The following RBFOX1 variants were observed in gnomAD, a reference collection of about 807,000 sequenced individuals.
RBFOX1 encodes the protein RNA binding fox-1 homolog 1, also known as RNA binding protein fox-1 homolog 1.
Under a neutral mutation model 57.7 loss-of-function variants are expected in RBFOX1, and 8 were observed. The ratio of observed to expected loss-of-function variants is 0.14; its 90% CI spans 0.08 to 0.25. RBFOX1 has a LOEUF of 0.25. RBFOX1 is among the 10% of genes least tolerant of loss of function. The probability of loss-of-function intolerance (pLI) is 1.00; values close to 1 mark genes in which losing one functional copy is unlikely to be tolerated. For synonymous variants in RBFOX1, 326 were observed against 222.4 expected, an observed-to-expected ratio of 1.47 and a Z score of -4.15; for missense variants, 611 against 548.5, an observed-to-expected ratio of 1.11 and a Z score of -1.14.
chr16:6,736,901 G>A (rs539160789), intron 3 of RBFOX1, among the ~76,000 whole-genome samples: 1 of 152,282 alleles, frequency 6.6e-6, no homozygotes, highest in Admixed American at 6.5e-5. Context: ...TATAGACTTA[G>A]CAGGGAGGAG....
chr16:5,277,974 A>G (rs2063182444), intron 1 of RBFOX1, among the ~76,000 whole-genome samples: 1 of 152,218 alleles, frequency 6.6e-6, no homozygotes, highest in South Asian at 2.1e-4. Flanking sequence ...GTACGGGTAC[A>G]GGTATCCCGT....
At chr16:7,645,766 T>C (rs1025731724) in intron 11 of RBFOX1, among the ~76,000 whole-genome samples, 1 of 152,238 alleles carries the variant, frequency 6.6e-6, no homozygotes, top group Non-Finnish European at 1.5e-5. Flanking sequence ...TATTCACTTC[T>C]AAACAGCAGT....
intron 1 of RBFOX1, among the ~76,000 whole-genome samples, chr16:5,301,196 TC>T (rs1474557150): frequency 6.6e-6 from 1 of 152,176 alleles, no homozygotes; most frequent in Non-Finnish European, 1.5e-5. Flanking sequence ...ATTTGCTTGT[TC>T]TAATGGAAGC....
chr16:5,552,227 A>T lies in RBFOX1; in HGVS notation c.259-46675A>T, dbSNP rs553716549. 6.0e-4 allele frequency among the ~76,000 whole-genome samples: 91 copies of T among 152,230 alleles called. No homozygotes were observed. In the South Asian group the frequency reaches 0.01, roughly 17 times the overall value. On this transcript the variant is annotated intron_variant, in intron 2 of 2. Coordinates refer to the RBFOX1 transcript ENST00000585867. ...GCTTGGTGATTCCCAGCCCTTGGGGATGATTCTTTTCCCCTGGGTTAAGAG... is the reference window on the plus strand; with the variant it reads ...GCTTGGTGATTCCCAGCCCTTGGGGTTGATTCTTTTCCCCTGGGTTAAGAG...
At chr16:5,936,226 C>A (rs56176038) in intron 4 of RBFOX1, among the ~76,000 whole-genome samples, 1 of 152,070 alleles carries the variant, frequency 6.6e-6, no homozygotes, top group East Asian at 1.9e-4. Flanking sequence ...CAGGTTCAAG[C>A]GATTCTCGTG....
intron 3 of RBFOX1, among the ~76,000 whole-genome samples, chr16:6,918,367 T>C (rs2073724831): frequency 2.0e-5 from 3 of 152,206 alleles, no homozygotes; most frequent in South Asian, 4.2e-4. Context: ...CCATTGTTTA[T>C]GAATTTTTAA....
At chr16:7,233,619 T>C (rs1274459675) in intron 4 of RBFOX1, among the ~76,000 whole-genome samples, 1 of 152,306 alleles carries the variant, frequency 6.6e-6, no homozygotes, top group South Asian at 2.1e-4. Context: ...ATAGTTTGCA[T>C]TGTGGACATC....
chr16:6,589,321 C>CTG (rs2097676917), intron 2 of RBFOX1, among the ~76,000 whole-genome samples: 1 of 152,212 alleles, frequency 6.6e-6, no homozygotes, highest in African/African-American at 2.4e-5. Flanking sequence ...CCAGAGCCAG[C>CTG]TGTATGGGAG....
intron 1 of RBFOX1, among the ~76,000 whole-genome samples, chr16:6,221,608 A>T (rs895672311): frequency 6.6e-6 from 1 of 152,224 alleles, no homozygotes; most frequent in Admixed American, 6.5e-5. Flanking sequence ...TATACTGCTA[A>T]TAAAGACATA....
intron 11 of RBFOX1, among the ~76,000 whole-genome samples, chr16:7,632,342 G>T (rs898701510): frequency 7.9e-5 from 12 of 152,198 alleles, no homozygotes; most frequent in East Asian, 5.8e-4. Flanking sequence ...AAATTCAGAA[G>T]GGCCTCCTTG....
chr16:7,274,124 T>G (rs556848556), intron 4 of RBFOX1, among the ~76,000 whole-genome samples: 1 of 152,324 alleles, frequency 6.6e-6, no homozygotes, highest in African/African-American at 2.4e-5. Context: ...TTGAGATATT[T>G]GTTTATGATG....
intron 2 of RBFOX1, among the ~76,000 whole-genome samples, chr16:5,591,708 A>T (rs930618727): frequency 6.6e-6 from 1 of 152,180 alleles, no homozygotes; most frequent in Non-Finnish European, 1.5e-5. Context: ...ATTCCATATA[A>T]AGCTACCTCA....
intron 4 of RBFOX1, among the ~76,000 whole-genome samples, chr16:7,235,741 AG>A (rs1382810398): frequency 1.3e-5 from 2 of 152,220 alleles, no homozygotes; most frequent in African/African-American, 2.4e-5. Context: ...TTATATATTA[AG>A]GGTTGACCAA....
At chr16:5,404,405 G>C (rs1453158537) in intron 1 of RBFOX1, among the ~76,000 whole-genome samples, 5 of 152,134 alleles carry the variant, frequency 3.3e-5, no homozygotes, top group Non-Finnish European at 2.9e-5. Flanking sequence ...GAGGAGCTCT[G>C]TCTTTGATGT....
At chr16:7,455,980 T>C (rs2058433511) in intron 4 of RBFOX1, among the ~76,000 whole-genome samples, 1 of 152,162 alleles carries the variant, frequency 6.6e-6, no homozygotes, top group Admixed American at 6.5e-5. Flanking sequence ...CAATCCCTTT[T>C]ATTAAGGGCA....
intron 1 of RBFOX1, among the ~76,000 whole-genome samples, chr16:6,098,052 C>T (rs1215665814): frequency 6.6e-6 from 1 of 152,178 alleles, no homozygotes; most frequent in East Asian, 1.9e-4. Flanking sequence ...AGGGGTTATG[C>T]TATTTTTCAA....
At chr16:5,735,143 TCAC>T (rs1198375906) in intron 3 of RBFOX1, among the ~76,000 whole-genome samples, 7 of 152,172 alleles carry the variant, frequency 4.6e-5, no homozygotes, top group African/African-American at 1.7e-4. Context: ...CTGTCTGTGG[TCAC>T]AGAGATATTA....
chr16:7,278,707 T>C (rs190595224), intron 4 of RBFOX1, among the ~76,000 whole-genome samples: 1 of 152,336 alleles, frequency 6.6e-6, no homozygotes, highest in East Asian at 1.9e-4. Context: ...AGTGAAAACA[T>C]ATTACAAATT....
intron 3 of RBFOX1, among the ~76,000 whole-genome samples, chr16:7,003,590 T>C (rs762896844): frequency 5.8e-4 from 88 of 152,150 alleles, no homozygotes; most frequent in Admixed American, 1.3e-4. Flanking sequence ...GGTATTAAAA[T>C]ACCTCTGGAG....
Sources: allele counts gnomAD v4.1 joint callset (sites outside exome capture counted in the v4.1 genomes callset), GRCh38; gene constraint gnomAD v4.1.1; transcripts MANE v1.5; gene names NCBI Gene and HGNC (gene_info 2026-07-23, HGNC 2026-07-21).